Variants in ZNF280D observed in about 807,000 individuals in gnomAD.
The protein encoded by ZNF280D is zinc finger protein 280D.
Under a neutral mutation model 94.7 loss-of-function variants are expected in ZNF280D, and 39 were observed. The ratio of observed to expected loss-of-function variants is 0.41; its 90% confidence interval spans 0.32 to 0.54. The LOEUF is 0.54. ZNF280D is among the 20% of genes least tolerant of loss of function. ZNF280D has a pLI of 0.22. For synonymous variants in ZNF280D, 398 were observed against 377.6 expected (o/e 1.05, Z -0.63); for missense variants, 1,090 against 1,149.3 (o/e 0.95, Z 0.75).
rs775637254 is a variant in ZNF280D, at chr15:56,707,190, G to A, written c.-41-40C>T. ...CAGTCAATTTAATGAGTCACTTTAAGTAACACCAAATATTGAAACATGAAA... is the reference window on the plus strand; with the variant it reads ...CAGTCAATTTAATGAGTCACTTTAAATAACACCAAATATTGAAACATGAAA... On this transcript the variant is annotated intron_variant, in intron 2 of 21. Transcript: ENST00000267807. 8.1e-6 allele frequency: 13 copies of A among 1,609,116 alleles called. No homozygotes were observed. The African/African-American group carries it at 1.2e-4, about 15-fold the overall frequency.
chr15:56,711,736 A>C (rs999347842), intron 1 of ZNF280D, among the ~76,000 whole-genome samples: 1 of 152,232 alleles, frequency 6.6e-6, no homozygotes, highest in Non-Finnish European at 1.5e-5. Flanking sequence ...AAGCATTTAG[A>C]AATCATTTTG....
chr15:56,722,915 C>A (rs1273987358), intron 1 of ZNF280D, among the ~76,000 whole-genome samples: 1 of 151,830 alleles, frequency 6.6e-6, no homozygotes, highest in African/African-American at 2.4e-5. Context: ...ATGATGAGTT[C>A]ATGTCCTTTG....
intron 6 of ZNF280D, 44 bp downstream of exon 6, chr15:56,700,889 C>T (rs200634991): frequency 7.3e-5 from 118 of 1,613,572 alleles, no homozygotes; most frequent in Non-Finnish European, 9.8e-5. Flanking sequence ...TAAACAACAT[C>T]CAATGGATCC....
chr15:56,653,810 A>C, intron 19 of ZNF280D: 2 of 1,260,472 alleles, frequency 1.6e-6, no homozygotes, highest in Non-Finnish European at 2.0e-6. Flanking sequence ...ATAGCAACAA[A>C]TGTTATTTTT....
In ZNF280D at chr15:56,692,971, C is replaced by T. The variant is rs553992339; in HGVS notation, c.499+127G>A. Reference sequence around the variant, plus strand: ...ACATAAGGTATTCAAGTACTAGTGACGTTCCACCTTACAATATATGAAAAA... The same window carrying T: ...ACATAAGGTATTCAAGTACTAGTGATGTTCCACCTTACAATATATGAAAAA... On this transcript the variant is annotated intron_variant, in intron 7 of 21. Coordinates refer to ENST00000267807, the MANE Select transcript of ZNF280D (RefSeq NM_017661.4). The T allele has an allele frequency of 1.0e-4, 57 of 548,254 alleles. No homozygotes were observed. The East Asian group carries it at 1.8e-3, about 18-fold the overall frequency. The allele number at this position is 548,254 out of a possible 1,614,324, so 34.0% of individuals were successfully genotyped here.
intron 9 of ZNF280D, among the ~76,000 whole-genome samples, chr15:56,687,237 C>T (rs2141046799): frequency 6.6e-6 from 1 of 152,136 alleles, no homozygotes; most frequent in South Asian, 2.1e-4. Context: ...CAATTTCTTA[C>T]AATGACAGAG....
rs1166522350 is a variant in ZNF280D at position 56,694,288 on chromosome 15, GACACATACACACAC to G, written c.382-1087_382-1074del. Among the ~76,000 whole-genome samples, 128 of 111,784 alleles carry G rather than the reference GACACATACACACAC, an allele frequency of 1.1e-3. No homozygotes were observed. The Middle Eastern group carries it at 0.023, about 20-fold the overall frequency. The allele number at this position is 111,784 out of a possible 152,430, so 73.3% of individuals were successfully genotyped here. On this transcript the variant is annotated intron_variant, in intron 6 of 21. Transcript: ENST00000267807. The stretch of plus-strand genomic sequence containing the variant: ...GATATTATTATACATTAAATATAAT[GACACATACACACAC>G]ACACACACACACACACACACACACA...
chr15:56,701,660 T>G (rs1334058874), intron 4 of ZNF280D, among the ~76,000 whole-genome samples: 1 of 152,156 alleles, frequency 6.6e-6, no homozygotes, highest in African/African-American at 2.4e-5. Flanking sequence ...CAGGTTCCTA[T>G]GATTCAAAAT....
chr15:56,700,578 C>G lies in ZNF280D; in HGVS notation c.381+355G>C, dbSNP rs962914121. 2.0e-5 allele frequency: 23 copies of G among 1,125,284 alleles called. No individual in the cohort carries two copies. In the African/African-American group the frequency reaches 3.4e-4, roughly 17 times the overall value. The allele number at this position is 1,125,284 out of a possible 1,614,324, so 69.7% of individuals were successfully genotyped here. ...TCAGAATAAAAAGCTATGATGGTCA[C>G]TTGACTGTTTTCCCAATTAAGAATA... On this transcript the variant is annotated intron_variant, in intron 6 of 21. Coordinates refer to ENST00000267807, the MANE Select transcript of ZNF280D (RefSeq NM_017661.4).
chr15:56,706,498 C>CA (rs1300747637), intron 3 of ZNF280D, among the ~76,000 whole-genome samples: 108 of 151,662 alleles, frequency 7.1e-4, no homozygotes, highest in African/African-American at 2.5e-3. Context: ...AACAAACAAA[C>CA]AAAAAACGAG....
chr15:56,702,095 C>G (rs2057115107), intron 4 of ZNF280D, among the ~76,000 whole-genome samples: 2 of 147,370 alleles, frequency 1.4e-5, no homozygotes, highest in Admixed American at 6.8e-5. Context: ...TAGAAAGAAA[C>G]CAGATCCCAT....
At chr15:56,707,183 A>C in intron 2 of ZNF280D, 33 bp from the exon 3 acceptor site, 1 of 1,610,308 alleles carries the variant, frequency 6.2e-7, no homozygotes, top group Non-Finnish European at 8.5e-7. Context: ...TTAATGAGTC[A>C]CTTTAAGTAA....
rs1399716097 is a variant in ZNF280D, at chr15:56,631,743, T to C, written c.2695A>G (p.Lys899Glu). ...CTAACAGATTCAGGTTCATGTCTTT[T>C]TCTCAAAAACTGATCAATGCTTACA... The part of the protein sequence containing the change: ...DNVSIDQFLR[K>E]RHEPESVSSD... Residue 899 changes from lysine to glutamate, a missense_variant, in exon 22 of 22, where the codon AAA becomes GAA. Transcript: ENST00000267807. 1.2e-6 allele frequency: 2 copies of C among 1,614,046 alleles called. No homozygotes were observed. Among genetic ancestry groups the C allele is most frequent in the Non-Finnish European group, 1.7e-6 (2 of 1,180,018 alleles).
intron 1 of ZNF280D, among the ~76,000 whole-genome samples, chr15:56,715,168 AG>A (rs2057975121): frequency 6.6e-6 from 1 of 152,188 alleles, no homozygotes; most frequent in South Asian, 2.1e-4. Flanking sequence ...AAGAGTTTCT[AG>A]GTTAGGAGTT....
intron 8 of ZNF280D, 38 bp downstream of exon 8, chr15:56,689,262 A>C: frequency 1.3e-6 from 2 of 1,580,408 alleles, no homozygotes; most frequent in Non-Finnish European, 1.7e-6. Context: ...ATGTATAAAT[A>C]CTATAACTTC....
intron 20 of ZNF280D, among the ~76,000 whole-genome samples, chr15:56,637,618 A>G (rs2052417844): frequency 6.6e-6 from 1 of 152,180 alleles, no homozygotes; most frequent in Non-Finnish European, 1.5e-5. Context: ...AGGGCAACAC[A>G]TTGTAATTCA....
At chr15:56,685,570 A>T (rs1018860093) in intron 9 of ZNF280D, among the ~76,000 whole-genome samples, 2 of 152,318 alleles carry the variant, frequency 1.3e-5, no homozygotes, top group Admixed American at 6.5e-5. Flanking sequence ...ACAAATGCTC[A>T]GACAATATTG....
intron 6 of ZNF280D, among the ~76,000 whole-genome samples, chr15:56,694,288 GACACATACACAC>G (rs1436284507): frequency 5.4e-5 from 6 of 111,708 alleles, no homozygotes; most frequent in Non-Finnish European, 1.1e-4. Context: ...TAAATATAAT[GACACATACACAC>G]ACACACACAC....
intron 1 of ZNF280D, among the ~76,000 whole-genome samples, chr15:56,709,118 G>C (rs1430670335): frequency 6.6e-6 from 1 of 152,070 alleles, no homozygotes; most frequent in African/African-American, 2.4e-5. Context: ...ATCTGACAAA[G>C]GGCTAATATC....
Sources: gnomAD v4.1 joint callset for allele counts (sites outside exome capture counted in the v4.1 genomes callset) on GRCh38, gnomAD v4.1.1 for gene constraint, MANE v1.5 for transcripts, NCBI Gene and HGNC (gene_info 2026-07-23, HGNC 2026-07-21) for gene names.